Variants in KALRN observed in about 807,000 individuals in gnomAD.
The protein encoded by KALRN is kalirin.
In KALRN, 70 loss-of-function variants were observed where a neutral mutation model predicts 353.7. The observed-to-expected ratio is 0.20, with a 90% CI of 0.16 to 0.24. The LOEUF (loss-of-function observed/expected upper bound fraction) is 0.24. KALRN is among the 10% of genes least tolerant of loss of function. The pLI, the probability that KALRN is intolerant of heterozygous loss-of-function variation, is 1.00. For synonymous variants in KALRN, 1,391 were observed against 1,434.8 expected (o/e 0.97, Z 0.69); for missense variants, 2,791 against 3,756.7 (o/e 0.74, Z 6.72).
chr3:124,492,644 G>A, intron 31 of KALRN, 96 bp from the exon 32 acceptor site: 1 of 1,305,082 alleles, frequency 7.7e-7, no homozygotes, highest in Non-Finnish European at 1.1e-6. Flanking sequence ...TGGAATCCTT[G>A]AAAATAACAG....
intron 5 of KALRN, among the ~76,000 whole-genome samples, chr3:124,286,086 T>TTC (rs2075822766): frequency 3.7e-5 from 4 of 107,500 alleles, no homozygotes; most frequent in Non-Finnish European, 5.9e-5. Context: ...TTCCTTCCTT[T>TTC]CTTTCTTTCT....
intron 1 of KALRN, among the ~76,000 whole-genome samples, chr3:124,150,509 A>G (rs1341151758): frequency 6.6e-6 from 1 of 152,202 alleles, no homozygotes; most frequent in African/African-American, 2.4e-5. Flanking sequence ...TACATTAGGT[A>G]TATCTCCTAA....
chr3:124,562,838 C>T lies in KALRN; in HGVS notation c.4936-5C>T. On this transcript the variant is annotated splice_region_variant and splice_polypyrimidine_tract_variant and intron_variant, in intron 33 of 59. Transcript: ENST00000682506. ...TTCTACTCCCTCCACCACCACCCTC[C>T]AAAGCTCTCTGGTGGATGTGAGCTG... The T allele has an allele frequency of 1.5e-6, 2 of 1,359,404 alleles. No homozygotes were observed. Among genetic ancestry groups the T allele is most frequent in the Non-Finnish European group, 2.0e-6 (2 of 1,018,108 alleles). The allele number at this position is 1,359,404 out of a possible 1,614,324, so 84.2% of individuals were successfully genotyped here.
intron 23 of KALRN, among the ~76,000 whole-genome samples, chr3:124,458,266 A>G (rs1308984765): frequency 9.5e-6 from 1 of 105,388 alleles, no homozygotes; most frequent in Non-Finnish European, 1.8e-5. Flanking sequence ...ACAGAGCAAG[A>G]CTCTGTCTCA....
At chr3:124,526,050 C>A (rs1429286916) in intron 33 of KALRN, among the ~76,000 whole-genome samples, 2 of 152,160 alleles carry the variant, frequency 1.3e-5, no homozygotes, top group African/African-American at 4.8e-5. Context: ...ACATTCACAG[C>A]CTTCCAGGAG....
intron 34 of KALRN, among the ~76,000 whole-genome samples, chr3:124,566,357 G>A (rs370672757): frequency 1.3e-5 from 2 of 152,018 alleles, no homozygotes; most frequent in Non-Finnish European, 2.9e-5. Context: ...TTAAAAATTA[G>A]CCAGGTGGGG....
chr3:124,155,944 C>A (rs976392394), intron 1 of KALRN, among the ~76,000 whole-genome samples: 2 of 152,170 alleles, frequency 1.3e-5, no homozygotes, highest in South Asian at 2.1e-4. Context: ...AACCTGAAAT[C>A]TTTCAGGATT....
At chr3:124,299,576 G>T (rs1481963304) in intron 6 of KALRN, among the ~76,000 whole-genome samples, 1 of 152,144 alleles carries the variant, frequency 6.6e-6, no homozygotes, top group African/African-American at 2.4e-5. Context: ...TTTGCTAACT[G>T]TTTGGCCAGA....
intron 1 of KALRN, among the ~76,000 whole-genome samples, chr3:124,165,858 T>C (rs1427385073): frequency 6.6e-6 from 1 of 152,232 alleles, no homozygotes; most frequent in Non-Finnish European, 1.5e-5. Context: ...CTCTTTCTCA[T>C]GTGCTCTCCC....
chr3:124,624,255 C>A (rs549614258), intron 34 of KALRN, among the ~76,000 whole-genome samples: 1 of 152,136 alleles, frequency 6.6e-6, no homozygotes, highest in Non-Finnish European at 1.5e-5. Context: ...GCAGTGCTTG[C>A]GTTCAAGTTA....
At chr3:124,462,902 A>G (rs935967887) in intron 25 of KALRN, among the ~76,000 whole-genome samples, 1 of 152,208 alleles carries the variant, frequency 6.6e-6, no homozygotes, top group Non-Finnish European at 1.5e-5. Flanking sequence ...GCAGGCTTTG[A>G]AGAAATAAAA....
intron 34 of KALRN, among the ~76,000 whole-genome samples, chr3:124,607,646 T>C (rs2149515492): frequency 6.6e-6 from 1 of 152,350 alleles, no homozygotes; most frequent in East Asian, 1.9e-4. Context: ...ACTCTCATTC[T>C]CACTCTGCTG....
At chr3:124,103,988 A>G (rs929515954) in intron 1 of KALRN, among the ~76,000 whole-genome samples, 2 of 152,146 alleles carry the variant, frequency 1.3e-5, no homozygotes, top group Non-Finnish European at 2.9e-5. Context: ...AAAAGAATCA[A>G]CAGTAACATC....
intron 32 of KALRN, among the ~76,000 whole-genome samples, chr3:124,495,949 GTGTATGTGTA>G (rs145546975): frequency 0.11 from 6,349 of 57,020 alleles, 793 homozygotes; most frequent in African/African-American, 0.24. Flanking sequence ...TCCCAAGTGT[GTGTATGTGTA>G]TGTATGTATA....
intron 1 of KALRN, among the ~76,000 whole-genome samples, chr3:124,080,344 G>T (rs1394452438): frequency 6.6e-6 from 1 of 152,188 alleles, no homozygotes; most frequent in African/African-American, 2.4e-5. Context: ...AATTTCAGAG[G>T]TTACTCGTAA....
At chr3:124,338,011 T>C (rs895963139) in intron 9 of KALRN, among the ~76,000 whole-genome samples, 9 of 152,182 alleles carry the variant, frequency 5.9e-5, no homozygotes, top group Non-Finnish European at 5.9e-5. Flanking sequence ...ATTGTGTCTA[T>C]TTGATTCTTC....
At chr3:124,484,967 G>A (rs941057751) in intron 28 of KALRN, among the ~76,000 whole-genome samples, 8 of 152,124 alleles carry the variant, frequency 5.3e-5, no homozygotes, top group African/African-American at 1.9e-4. Flanking sequence ...ATGGTGGTGT[G>A]TGCCTGTAAT....
chr3:124,283,204 T>C (rs1366289523), intron 5 of KALRN, among the ~76,000 whole-genome samples: 1 of 152,222 alleles, frequency 6.6e-6, no homozygotes, highest in Non-Finnish European at 1.5e-5. Context: ...ATTTTTGCAG[T>C]AACAATAATA....
intron 1 of KALRN, among the ~76,000 whole-genome samples, chr3:124,192,009 G>T (rs2074970817): frequency 6.6e-6 from 1 of 152,246 alleles, no homozygotes; most frequent in Non-Finnish European, 1.5e-5. Context: ...GAACCTGTGT[G>T]TTCAACAAGT....
Sources: gnomAD v4.1 joint callset for allele counts (sites outside exome capture counted in the v4.1 genomes callset) on GRCh38, gnomAD v4.1.1 for gene constraint, MANE v1.5 for transcripts, NCBI Gene and HGNC (gene_info 2026-07-23, HGNC 2026-07-21) for gene names.